The following REPS2 variants were observed in gnomAD, a reference collection of about 807,000 sequenced individuals.
REPS2 encodes the protein ralBP1-associated Eps domain-containing protein 2.
A neutral mutation model predicts 53.6 loss-of-function variants in REPS2; 23 were observed. The ratio of observed to expected loss-of-function variants is 0.43; its 90% confidence interval spans 0.31 to 0.61. The LOEUF is 0.61. REPS2 is among the 20% of genes least tolerant of loss of function. The probability of loss-of-function intolerance (pLI) is 0.11; values close to 1 mark genes in which losing one functional copy is unlikely to be tolerated. For synonymous variants in REPS2, 238 were observed against 218.6 expected (o/e 1.09, Z -0.78); for missense variants, 446 against 534.9 (o/e 0.83, Z 1.64).
intron 5 of REPS2, among the ~76,000 whole-genome samples, chrX:17,032,698 C>A (rs2061722738): frequency 8.9e-6 from 1 of 111,983 alleles, no homozygotes; most frequent in South Asian, 3.7e-4. Context: ...TATTCAAGTT[C>A]TTCCTGCCTG....
intron 1 of REPS2, among the ~76,000 whole-genome samples, chrX:16,993,905 T>C (rs2061192915): frequency 8.9e-6 from 1 of 112,869 alleles, no homozygotes; most frequent in African/African-American, 3.2e-5. Flanking sequence ...AGCAGTTTAT[T>C]GGCAGGATAT....
rs747655345 is a variant in REPS2 at position 17,063,807 on chromosome X, A to ATG, written c.1209+1292_1209+1293dup. Among the ~76,000 whole-genome samples, 497 of 107,596 alleles carry ATG rather than the reference A, an allele frequency of 4.6e-3. 1 individual carries two copies. The highest frequency in any genetic ancestry group is 9.9e-3 in the African/African-American group (293 of 29,705). 93.4% of individuals were successfully genotyped at this position (107,596 alleles called of 115,157 possible). A position where few individuals can be genotyped will look rare whatever the true frequency, so the allele number is the denominator to read the frequency against. On this transcript the variant is annotated intron_variant, in intron 9 of 17. Transcript: ENST00000357277. ...TGGATACATCTATGGCTCTCTGACT[A>ATG]TGTGTGTGTGTGTGTGTGATGGGCC...
chrX:17,051,168 T>C (rs943685328), intron 6 of REPS2, among the ~76,000 whole-genome samples: 1 of 111,589 alleles, frequency 9.0e-6, no homozygotes, highest in Non-Finnish European at 1.9e-5. Flanking sequence ...GTTCCATCCA[T>C]GTTGTTGCAA....
chrX:17,136,359 C>T (rs1177800621), intron 16 of REPS2: 1 of 111,544 alleles, frequency 9.0e-6, no homozygotes, highest in Admixed American at 9.5e-5. Context: ...GGACAGGTCC[C>T]TGGTGGTATC....
intron 1 of REPS2, among the ~76,000 whole-genome samples, chrX:16,986,435 G>T (rs894355898): frequency 1.8e-5 from 2 of 112,086 alleles, no homozygotes; most frequent in Middle Eastern, 4.6e-3. Context: ...GTATTAGTTA[G>T]TAGGACACTG....
At chrX:17,105,693 G>T (rs2062865227) in intron 14 of REPS2, among the ~76,000 whole-genome samples, 1 of 111,978 alleles carries the variant, frequency 8.9e-6, no homozygotes, top group Admixed American at 9.4e-5. Context: ...CAGATTTCAG[G>T]AACAGGTGTG....
At chrX:17,078,607 C>A (rs940269876) in intron 13 of REPS2, among the ~76,000 whole-genome samples, 1 of 111,807 alleles carries the variant, frequency 8.9e-6, no homozygotes, top group Non-Finnish European at 1.9e-5. Context: ...TTTCACATGG[C>A]TGGCGGATTA....
At chrX:17,043,231 A>G (rs1422712312) in intron 5 of REPS2, among the ~76,000 whole-genome samples, 1 of 111,398 alleles carries the variant, frequency 9.0e-6, no homozygotes, top group Admixed American at 9.5e-5. Flanking sequence ...GGGCCACTCT[A>G]TGGGTTACAC....
chrX:17,001,877 CAT>C (rs1392485196), intron 1 of REPS2, among the ~76,000 whole-genome samples: 1 of 111,451 alleles, frequency 9.0e-6, no homozygotes, highest in Non-Finnish European at 1.9e-5. Context: ...CACCAGATCT[CAT>C]GAGACTTGTT....
At chrX:17,075,371 A>G (rs1296283830) in intron 12 of REPS2, among the ~76,000 whole-genome samples, 2 of 112,336 alleles carry the variant, frequency 1.8e-5, no homozygotes, top group East Asian at 5.5e-4. Flanking sequence ...AAATTATAAA[A>G]TCTCATAGCC....
intron 1 of REPS2, among the ~76,000 whole-genome samples, chrX:16,963,683 G>A (rs928450926): frequency 5.4e-5 from 6 of 112,105 alleles, no homozygotes; most frequent in Non-Finnish European, 7.5e-5. Flanking sequence ...ATAAGTAAAC[G>A]ACTTCTCTAT....
At chrX:17,121,887 A>G (rs1025545390) in intron 14 of REPS2, among the ~76,000 whole-genome samples, 13 of 110,751 alleles carry the variant, frequency 1.2e-4, no homozygotes, top group African/African-American at 3.9e-4. Context: ...AGTAGCTGGG[A>G]CTACAGGCAT....
intron 14 of REPS2, among the ~76,000 whole-genome samples, chrX:17,124,457 G>A (rs1276020506): frequency 9.0e-6 from 1 of 111,663 alleles, no homozygotes; most frequent in Non-Finnish European, 1.9e-5. Flanking sequence ...GGACCTTCTT[G>A]AGGCTCTATT....
chrX:17,173,934 G>A, the REPS2 span, among the ~76,000 whole-genome samples: 6 of 110,833 alleles, frequency 5.4e-5, no homozygotes, highest in South Asian at 3.9e-4. Flanking sequence ...GTAGGAGGGC[G>A]CAGGAGGCAT....
chrX:17,046,917 C>T (rs1460450091), intron 5 of REPS2, among the ~76,000 whole-genome samples: 3 of 112,001 alleles, frequency 2.7e-5, no homozygotes, highest in Non-Finnish European at 5.6e-5. Context: ...TTCAGTGTAA[C>T]GGCAACAGTA....
At chrX:17,174,972 G>A in the REPS2 span, among the ~76,000 whole-genome samples, 1 of 112,772 alleles carries the variant, frequency 8.9e-6, no homozygotes, top group Non-Finnish European at 1.9e-5. Flanking sequence ...TGTCTTTGGG[G>A]CCAGGCCAGC....
At chrX:17,110,691 TCAAA>T (rs112473755) in intron 14 of REPS2, among the ~76,000 whole-genome samples, 7,162 of 107,099 alleles carry the variant, frequency 0.067, 431 homozygotes, top group African/African-American at 0.18. Flanking sequence ...AAACTCTGTC[TCAAA>T]CAAACAAACA....
At chrX:17,188,834 G>T in the REPS2 span, among the ~76,000 whole-genome samples, 1 of 111,859 alleles carries the variant, frequency 8.9e-6, no homozygotes, top group Non-Finnish European at 1.9e-5. Context: ...TTGTCATCAG[G>T]GATATGTGTG....
intron 1 of REPS2, among the ~76,000 whole-genome samples, chrX:16,999,821 C>T (rs868584761): frequency 2.2e-4 from 24 of 108,118 alleles, no homozygotes; most frequent in African/African-American, 6.4e-4. Flanking sequence ...CCGAGGCGGG[C>T]GGATCACGAG....
Sources: allele counts gnomAD v4.1 joint callset (sites outside exome capture counted in the v4.1 genomes callset), GRCh38; gene constraint gnomAD v4.1.1; transcripts MANE v1.5; gene names NCBI Gene and HGNC (gene_info 2026-07-23, HGNC 2026-07-21).